Variants in CPQ observed in about 807,000 individuals in gnomAD.
CPQ encodes the protein Ser-Met dipeptidase.
A neutral mutation model predicts 45.7 loss-of-function variants in CPQ; 37 were observed. The ratio of observed to expected loss-of-function variants is 0.81; its 90% CI spans 0.62 to 1.07. The LOEUF (loss-of-function observed/expected upper bound fraction) is 1.07, where lower values mean the gene tolerates loss of function less well. Among genes scored for constraint, CPQ ranks in the 50% least tolerant of loss-of-function variants. The pLI, the probability that CPQ is intolerant of heterozygous loss-of-function variation, is 0.00. For synonymous variants in CPQ, 186 were observed against 205.8 expected (o/e 0.90, Z 0.82); for missense variants, 537 against 572.9 (o/e 0.94, Z 0.64).
At chr8:96,787,430 A>G (rs1418874093) in intron 2 of CPQ, among the ~76,000 whole-genome samples, 1 of 142,494 alleles carries the variant, frequency 7.0e-6, no homozygotes, top group Non-Finnish European at 1.5e-5. Context: ...AATCTTTTTT[A>G]TATGGTGCTG....
At chr8:96,658,819 G>T (rs535488247) in intron 1 of CPQ, among the ~76,000 whole-genome samples, 1 of 152,286 alleles carries the variant, frequency 6.6e-6, no homozygotes, top group Admixed American at 6.5e-5. Flanking sequence ...AATGTGGGTG[G>T]CCACTAGAAA....
intron 1 of CPQ, among the ~76,000 whole-genome samples, chr8:96,781,252 T>C (rs1246214728): frequency 6.6e-6 from 1 of 152,186 alleles, no homozygotes; most frequent in African/African-American, 2.4e-5. Context: ...CGGAATACCA[T>C]GGACTGGATA....
At chr8:96,882,499 C>T (rs1812239199) in intron 4 of CPQ, among the ~76,000 whole-genome samples, 1 of 152,170 alleles carries the variant, frequency 6.6e-6, no homozygotes, top group South Asian at 2.1e-4. Flanking sequence ...GATTATAATA[C>T]TATCGCTGTT....
intron 7 of CPQ, among the ~76,000 whole-genome samples, chr8:97,101,109 A>T (rs1811296719): frequency 6.6e-6 from 1 of 152,036 alleles, no homozygotes; most frequent in Admixed American, 6.6e-5. Context: ...GTTGTTAATG[A>T]CTCTTGGCAT....
chr8:96,805,910 G>T (rs889147229), intron 2 of CPQ, among the ~76,000 whole-genome samples: 1 of 152,028 alleles, frequency 6.6e-6, no homozygotes, highest in African/African-American at 2.4e-5. Context: ...GCTGGACGGG[G>T]CCAGTAACGG....
intron 4 of CPQ, among the ~76,000 whole-genome samples, chr8:96,905,706 T>G (rs1812566530): frequency 6.7e-6 from 1 of 148,414 alleles, no homozygotes; most frequent in African/African-American, 2.5e-5. Flanking sequence ...GACTTTGTTT[T>G]CCCTTTACAC....
intron 4 of CPQ, among the ~76,000 whole-genome samples, chr8:96,918,889 C>T (rs1413913259): frequency 6.6e-6 from 1 of 152,078 alleles, no homozygotes; most frequent in Non-Finnish European, 1.5e-5. Flanking sequence ...ATACTGCTTT[C>T]TAAAAAACTT....
At chr8:96,663,897 A>G (rs1808886745) in intron 1 of CPQ, among the ~76,000 whole-genome samples, 1 of 152,194 alleles carries the variant, frequency 6.6e-6, no homozygotes, top group Non-Finnish European at 1.5e-5. Context: ...TTGGAGAAGA[A>G]TCAAAGGAGT....
intron 1 of CPQ, among the ~76,000 whole-genome samples, chr8:96,715,378 C>G (rs1034834744): frequency 1.1e-4 from 16 of 152,208 alleles, no homozygotes; most frequent in Admixed American, 3.3e-4. Flanking sequence ...ACAGGTGCCT[C>G]TTTCCATCTC....
chr8:97,080,232 C>A (rs987987171), intron 7 of CPQ, among the ~76,000 whole-genome samples: 2 of 152,122 alleles, frequency 1.3e-5, no homozygotes, highest in Non-Finnish European at 2.9e-5. Context: ...CATTGCATTG[C>A]GATTGGCAGT....
intron 5 of CPQ, among the ~76,000 whole-genome samples, chr8:97,027,226 AAC>A (rs1809819248): frequency 6.6e-6 from 1 of 152,110 alleles, no homozygotes; most frequent in Non-Finnish European, 1.5e-5. Flanking sequence ...TTCCTCAGAC[AAC>A]AGTTTATTAA....
At chr8:96,985,061 T>C (rs72664541) in intron 5 of CPQ, among the ~76,000 whole-genome samples, 2,128 of 152,302 alleles carry the variant, frequency 0.014, 25 homozygotes, top group Non-Finnish European at 0.021. Flanking sequence ...GTTAGTTGAA[T>C]GTGAAATTGT....
At chr8:97,084,347 T>C (rs1410553386) in intron 7 of CPQ, among the ~76,000 whole-genome samples, 1 of 152,182 alleles carries the variant, frequency 6.6e-6, no homozygotes, top group African/African-American at 2.4e-5. Flanking sequence ...CCCGTGGCAA[T>C]GTGATCTTTT....
intron 4 of CPQ, among the ~76,000 whole-genome samples, chr8:96,951,159 A>G (rs1279778137): frequency 6.6e-6 from 1 of 152,134 alleles, no homozygotes; most frequent in Non-Finnish European, 1.5e-5. Flanking sequence ...ATGGCATAAA[A>G]AAAACCCTGA....
At chr8:96,926,871 C>A (rs528251910) in intron 4 of CPQ, among the ~76,000 whole-genome samples, 2 of 152,064 alleles carry the variant, frequency 1.3e-5, no homozygotes, top group Admixed American at 1.3e-4. Context: ...TGTTCCCCTC[C>A]CTGTGTCCAT....
intron 4 of CPQ, among the ~76,000 whole-genome samples, chr8:96,916,235 C>T (rs186980152): frequency 3.8e-4 from 58 of 152,248 alleles, no homozygotes; most frequent in African/African-American, 1.3e-3. Flanking sequence ...TATCCTAATA[C>T]AGCCTCCATC....
intron 1 of CPQ, among the ~76,000 whole-genome samples, chr8:96,708,907 A>C (rs1176442707): frequency 6.6e-6 from 1 of 152,158 alleles, no homozygotes; most frequent in Admixed American, 6.6e-5. Flanking sequence ...GAATATTCTT[A>C]ATATATAACT....
rs1810450298 is a variant in CPQ, at chr8:96,765,104, GCT to G, written c.-34-19759_-34-19758del. Among the ~76,000 whole-genome samples the G allele has an allele frequency of 1.3e-5, 2 of 152,134 alleles. 1 individual carries two copies. Among genetic ancestry groups the G allele is most frequent in the South Asian group, 4.1e-4 (2 of 4,832 alleles). On this transcript the variant is annotated intron_variant, in intron 1 of 7. Transcript: ENST00000220763. ...TTAGTTGTTTGGGTGACCTCTTTTT[GCT>G]GGTTTTCTGGGTTGATTAGACTTTG...
chr8:97,044,459 T>C (rs1021161701), intron 6 of CPQ, among the ~76,000 whole-genome samples: 2 of 152,124 alleles, frequency 1.3e-5, no homozygotes, highest in African/African-American at 2.4e-5. Flanking sequence ...GTAGTTTGAT[T>C]GTCTGAAGCC....
Sources: gnomAD v4.1 joint callset for allele counts (sites outside exome capture counted in the v4.1 genomes callset) on GRCh38, gnomAD v4.1.1 for gene constraint, MANE v1.5 for transcripts, NCBI Gene and HGNC (gene_info 2026-07-23, HGNC 2026-07-21) for gene names.